SPAG16: variants seen among roughly 807,000 people sequenced by gnomAD.
The protein encoded by SPAG16 is sperm-associated antigen 16 protein.
SPAG16 carries 86 observed loss-of-function variants against 80.4 expected under a neutral mutation model. The observed-to-expected ratio is 1.07, with a 90% CI of 0.90 to 1.28. SPAG16 has a LOEUF of 1.28. Ranked by LOEUF, SPAG16 falls within the 50% of genes most tolerant of loss-of-function variation. SPAG16 has a pLI of 0.00. For missense variants in SPAG16, 870 were observed against 765.3 expected (o/e 1.14, Z -1.61); for synonymous variants, 294 against 265.9 (o/e 1.11, Z -1.03).
At chr2:214,186,587 A>T (rs1325563589) in intron 15 of SPAG16, among the ~76,000 whole-genome samples, 1 of 152,108 alleles carries the variant, frequency 6.6e-6, no homozygotes, top group East Asian at 1.9e-4. Flanking sequence ...TTCCACTGAA[A>T]TAACATGACA....
intron 15 of SPAG16, among the ~76,000 whole-genome samples, chr2:214,274,180 C>T (rs1403807185): frequency 2.6e-5 from 4 of 152,202 alleles, no homozygotes; most frequent in Non-Finnish European, 5.9e-5. Flanking sequence ...TGCTTCTCAG[C>T]TTAAGGAGAT....
intron 15 of SPAG16, among the ~76,000 whole-genome samples, chr2:214,245,262 G>A (rs1371992210): frequency 4.6e-5 from 7 of 151,860 alleles, no homozygotes; most frequent in Admixed American, 1.3e-4. Flanking sequence ...CGCTATTCCC[G>A]GCATATTTTT....
chr2:214,165,909 T>TAAAATAAAGAGGGC (rs1553518324), intron 15 of SPAG16, among the ~76,000 whole-genome samples: 2 of 152,026 alleles, frequency 1.3e-5, no homozygotes, highest in Non-Finnish European at 2.9e-5. Flanking sequence ...TGCTTAATGT[T>TAAAATAAAGAGGGC]AAAATAAAGA....
intron 15 of SPAG16, among the ~76,000 whole-genome samples, chr2:214,408,220 T>G (rs377442281): frequency 6.6e-6 from 1 of 152,210 alleles, no homozygotes; most frequent in African/African-American, 2.4e-5. Flanking sequence ...TTTTTCTTTA[T>G]GGACTTGGTT....
chr2:213,308,191 A>G (rs2063032424), intron 3 of SPAG16, among the ~76,000 whole-genome samples: 5 of 152,170 alleles, frequency 3.3e-5, no homozygotes, highest in Admixed American at 3.3e-4. Flanking sequence ...ATAAAATAGA[A>G]TTAGTATTCC....
chr2:213,769,193 C>A (rs568209161), intron 10 of SPAG16, among the ~76,000 whole-genome samples: 5 of 152,240 alleles, frequency 3.3e-5, no homozygotes, highest in African/African-American at 1.2e-4. Context: ...AAAGTCAACT[C>A]TAAGTTAAAT....
intron 10 of SPAG16, among the ~76,000 whole-genome samples, chr2:213,761,632 C>T (rs2125522555): frequency 6.6e-6 from 1 of 152,190 alleles, no homozygotes; most frequent in South Asian, 2.1e-4. Context: ...GAGGCTGAGG[C>T]AGGTGGATCA....
At chr2:214,360,950 A>C (rs1234759977) in intron 15 of SPAG16, among the ~76,000 whole-genome samples, 2 of 151,880 alleles carry the variant, frequency 1.3e-5, no homozygotes, top group East Asian at 1.9e-4. Flanking sequence ...ATGGGCCCCC[A>C]AAAATCTACC....
At chr2:214,003,666 G>T (rs1441785974) in intron 12 of SPAG16, among the ~76,000 whole-genome samples, 1 of 152,172 alleles carries the variant, frequency 6.6e-6, no homozygotes, top group Non-Finnish European at 1.5e-5. Context: ...AAATACAGGG[G>T]TTAATTTCCT....
chr2:214,006,492 A>G (rs2047031237), intron 12 of SPAG16, among the ~76,000 whole-genome samples: 1 of 152,214 alleles, frequency 6.6e-6, no homozygotes, highest in African/African-American at 2.4e-5. Context: ...CAGCAAGGAA[A>G]GAGAAAAGAG....
intron 9 of SPAG16, among the ~76,000 whole-genome samples, chr2:213,477,619 C>A (rs1256319895): frequency 6.6e-6 from 1 of 152,156 alleles, no homozygotes; most frequent in Admixed American, 6.5e-5. Context: ...TTTGTTTTCA[C>A]GATTTCTCCC....
chr2:214,383,670 C>T (rs1383444679), intron 15 of SPAG16, among the ~76,000 whole-genome samples: 5 of 152,038 alleles, frequency 3.3e-5, no homozygotes, highest in Non-Finnish European at 4.4e-5. Flanking sequence ...AAGACCATTC[C>T]GGCCAGACAG....
intron 10 of SPAG16, among the ~76,000 whole-genome samples, chr2:213,745,722 C>T (rs923514721): frequency 2.6e-5 from 4 of 152,040 alleles, no homozygotes; most frequent in African/African-American, 9.7e-5. Context: ...GTGCTTTATT[C>T]AAATGCCATA....
intron 15 of SPAG16, among the ~76,000 whole-genome samples, chr2:214,166,936 G>A (rs1303286765): frequency 1.3e-5 from 2 of 152,054 alleles, no homozygotes; most frequent in Non-Finnish European, 2.9e-5. Context: ...GTTTTAATTG[G>A]CCATATTGGT....
intron 9 of SPAG16, among the ~76,000 whole-genome samples, chr2:213,426,832 TACATACACACACACACAC>T (rs1287031729): frequency 3.1e-5 from 2 of 65,268 alleles, no homozygotes; most frequent in Non-Finnish European, 6.3e-5. Flanking sequence ...ATTATTCTGA[TACATACACACACACACAC>T]ACACACACAC....
At chr2:214,267,968 C>T (rs373999219) in intron 15 of SPAG16, among the ~76,000 whole-genome samples, 30 of 151,792 alleles carry the variant, frequency 2.0e-4, no homozygotes, top group East Asian at 1.7e-3. Context: ...AATCAAACTA[C>T]TTAATAAGTA....
At chr2:213,665,327 C>A (rs1393375610) in intron 10 of SPAG16, among the ~76,000 whole-genome samples, 1 of 152,068 alleles carries the variant, frequency 6.6e-6, no homozygotes, top group African/African-American at 2.4e-5. Context: ...TAAGTTGTTT[C>A]TACTTTAATA....
At chr2:213,287,805 A>G (rs72935111) in intron 1 of SPAG16, among the ~76,000 whole-genome samples, 1,996 of 152,336 alleles carry the variant, frequency 0.013, 21 homozygotes, top group Middle Eastern at 0.024. Context: ...AAATATGAGG[A>G]TCACACTAGA....
At chr2:213,690,223 A>C (rs1016991283) in intron 10 of SPAG16, among the ~76,000 whole-genome samples, 9 of 152,196 alleles carry the variant, frequency 5.9e-5, no homozygotes, top group African/African-American at 2.2e-4. Context: ...TCTTAGTCTT[A>C]GTCCATTTGT....
Sources: gnomAD v4.1 joint callset for allele counts (sites outside exome capture counted in the v4.1 genomes callset) on GRCh38, gnomAD v4.1.1 for gene constraint, MANE v1.5 for transcripts, NCBI Gene and HGNC (gene_info 2026-07-23, HGNC 2026-07-21) for gene names.